The following SPAG17 variants were observed in gnomAD, a reference collection of about 807,000 sequenced individuals.
SPAG17 encodes the protein sperm-associated antigen 17.
In SPAG17, 169 loss-of-function variants were observed where a neutral mutation model predicts 273.6. The observed-to-expected ratio is 0.62, with a 90% CI of 0.55 to 0.70. The LOEUF is 0.70. Ranked by LOEUF, SPAG17 falls within the 30% of genes least tolerant of loss-of-function variation. SPAG17 has a pLI of 0.00. For missense variants in SPAG17, 2,557 were observed against 2,627.8 expected (o/e 0.97, Z 0.59); for synonymous variants, 825 against 873.2 (o/e 0.94, Z 0.97).
chr1:118,174,929 T>C, intron 1 of SPAG17, among the ~76,000 whole-genome samples: 1 of 152,134 alleles, frequency 6.6e-6, no homozygotes. Context: ...TCTGCTACCT[T>C]AAGCCACTCT....
In SPAG17 at chr1:118,091,983, G is replaced by C. The variant is rs929818479; in HGVS notation, c.1193C>G (p.Pro398Arg). Reference sequence around the variant, plus strand: ...CTGTGCTTTCTTCTTTCCAGGAGCTGGTACAGCAGGTTGTGGAGCCTAGAA... The same window carrying C: ...CTGTGCTTTCTTCTTTCCAGGAGCTCGTACAGCAGGTTGTGGAGCCTAGAA... ...PTSEAPQPAVPAPGKKKAQYE... is the reference protein window; with the variant it reads ...PTSEAPQPAVRAPGKKKAQYE... The change falls in exon 9 of 49, where the codon CCA becomes CGA. Residue 398 changes from proline to arginine, a missense_variant. By Grantham distance (103) the Pro-to-Arg change is moderately radical (BLOSUM62 -2). Transcript: ENST00000336338. 1.9e-6 allele frequency: 3 copies of C among 1,613,404 alleles called. No individual in the cohort carries two copies. Among genetic ancestry groups the C allele is most frequent in the East Asian group, 2.2e-5 (1 of 44,876 alleles).
chr1:118,178,805 A>C (rs1660810427), intron 1 of SPAG17, among the ~76,000 whole-genome samples: 1 of 152,008 alleles, frequency 6.6e-6, no homozygotes, highest in Admixed American at 6.6e-5. Context: ...AGTAGCACTT[A>C]TATTCACCAG....
chr1:117,968,146 C>T (rs1296451429), intron 46 of SPAG17, among the ~76,000 whole-genome samples: 1 of 152,036 alleles, frequency 6.6e-6, no homozygotes, highest in Non-Finnish European at 1.5e-5. Flanking sequence ...GTGTTGGCAA[C>T]TAACCAAGCT....
chr1:118,156,908 T>C (rs1659677844), intron 1 of SPAG17, among the ~76,000 whole-genome samples: 2 of 152,070 alleles, frequency 1.3e-5, no homozygotes, highest in South Asian at 4.1e-4. Context: ...GCACACAGTG[T>C]GTGCTGTCAT....
At chr1:118,082,627 T>C (rs1654675372) in intron 13 of SPAG17, among the ~76,000 whole-genome samples, 1 of 152,212 alleles carries the variant, frequency 6.6e-6, no homozygotes, top group Admixed American at 6.5e-5. Flanking sequence ...CCTGCTCTCA[T>C]GGAATATCCA....
At chr1:118,125,301 CAT>C (rs1002098965) in intron 3 of SPAG17, among the ~76,000 whole-genome samples, 7 of 152,064 alleles carry the variant, frequency 4.6e-5, no homozygotes, top group Admixed American at 2.0e-4. Context: ...TATTTTTACA[CAT>C]GTGTAGAGTG....
intron 35 of SPAG17, 37 bp from the exon 36 acceptor site, chr1:117,992,685 A>T: frequency 6.8e-7 from 1 of 1,475,314 alleles, no homozygotes; most frequent in Non-Finnish European, 9.0e-7. Flanking sequence ...CACCAAAGAA[A>T]TCAGAATGTT....
At chr1:118,080,503 T>C (rs750255391) in intron 15 of SPAG17, among the ~76,000 whole-genome samples, 1 of 152,212 alleles carries the variant, frequency 6.6e-6, no homozygotes, top group African/African-American at 2.4e-5. Flanking sequence ...CAAGGAATTG[T>C]GTTCTATTTT....
At chr1:118,069,391 G>C (rs1315689086) in intron 17 of SPAG17, among the ~76,000 whole-genome samples, 1 of 148,742 alleles carries the variant, frequency 6.7e-6, no homozygotes, top group African/African-American at 2.5e-5. Flanking sequence ...AGAGCTTGAA[G>C]ATATATTTGG....
intron 3 of SPAG17, among the ~76,000 whole-genome samples, chr1:118,146,452 T>C (rs1658996448): frequency 1.3e-5 from 2 of 152,228 alleles, no homozygotes; most frequent in Non-Finnish European, 2.9e-5. Flanking sequence ...CCATGTACTT[T>C]TTCCAGTGTT....
chr1:118,003,015 G>T (rs1658480640), intron 32 of SPAG17, among the ~76,000 whole-genome samples: 1 of 152,170 alleles, frequency 6.6e-6, no homozygotes, highest in African/African-American at 2.4e-5. Flanking sequence ...TTGTAAGGCA[G>T]GCCTAGTGGT....
intron 20 of SPAG17, among the ~76,000 whole-genome samples, chr1:118,046,010 G>C (rs1261659971): frequency 6.6e-6 from 1 of 152,128 alleles, no homozygotes; most frequent in African/African-American, 2.4e-5. Flanking sequence ...GGTAAGCACG[G>C]AGACAAAGTT....
At chr1:118,153,483 A>G (rs1381137551) in intron 1 of SPAG17, among the ~76,000 whole-genome samples, 2 of 152,180 alleles carry the variant, frequency 1.3e-5, no homozygotes, top group Admixed American at 1.3e-4. Flanking sequence ...CACCTAACAG[A>G]CTATTTGGCC....
chr1:117,954,193 A>T (rs1651827735), intron 48 of SPAG17, 144 bp from the exon 49 acceptor site: 1 of 1,006,700 alleles, frequency 9.9e-7, no homozygotes, highest in Non-Finnish European at 1.5e-6. Flanking sequence ...AGATCAGGAT[A>T]TGCAATAAAT....
At chr1:117,968,644 A>T (rs186595913) in intron 46 of SPAG17, among the ~76,000 whole-genome samples, 4 of 152,236 alleles carry the variant, frequency 2.6e-5, no homozygotes, top group African/African-American at 9.6e-5. Flanking sequence ...TCAGAGCATT[A>T]ACTGAACTGC....
intron 1 of SPAG17, among the ~76,000 whole-genome samples, chr1:118,168,395 G>A (rs1281697873): frequency 6.6e-6 from 1 of 152,140 alleles, no homozygotes; most frequent in African/African-American, 2.4e-5. Context: ...TAACACTCCT[G>A]ATTTATAGAT....
At chr1:118,119,079 C>G (rs185738083) in intron 3 of SPAG17, among the ~76,000 whole-genome samples, 1 of 152,110 alleles carries the variant, frequency 6.6e-6, no homozygotes, top group Non-Finnish European at 1.5e-5. Flanking sequence ...TTGCCCTAGG[C>G]GCTCTCATGG....
intron 45 of SPAG17, among the ~76,000 whole-genome samples, chr1:117,971,372 AC>A (rs1450438123): frequency 6.6e-6 from 1 of 152,234 alleles, no homozygotes; most frequent in African/African-American, 2.4e-5. Context: ...AGATGTTACA[AC>A]AAGTTACACA....
chr1:117,966,772 C>T lies in SPAG17; in HGVS notation c.6388-19G>A, dbSNP rs570095033. The T allele has an allele frequency of 1.4e-5, 22 of 1,587,660 alleles. No homozygotes were observed. In the South Asian group the frequency reaches 2.0e-4, roughly 14 times the overall value. On this transcript the variant is annotated intron_variant, in intron 46 of 48. Transcript: ENST00000336338. The stretch of plus-strand genomic sequence containing the variant: ...CTGCCACCTATAAGACACAAGGTAG[C>T]TTTAGGACCAGACAACTCTGAGTTC...
Sources: gnomAD v4.1 joint callset for allele counts (sites outside exome capture counted in the v4.1 genomes callset) on GRCh38, gnomAD v4.1.1 for gene constraint, MANE v1.5 for transcripts, NCBI Gene and HGNC (gene_info 2026-07-23, HGNC 2026-07-21) for gene names.